The following C3orf20 variants were observed in gnomAD, a reference collection of about 807,000 sequenced individuals.
C3orf20 encodes uncharacterized protein C3orf20.
A neutral mutation model predicts 88.3 loss-of-function variants in C3orf20; 76 were observed. That is an observed-to-expected ratio of 0.86 (90% CI 0.72 to 1.04). The LOEUF (loss-of-function observed/expected upper bound fraction) is 1.04. Ranked by LOEUF, C3orf20 falls within the 50% of genes least tolerant of loss-of-function variation. C3orf20 has a pLI of 0.00. For missense variants in C3orf20, 1,056 were observed against 1,123.3 expected, an observed-to-expected ratio of 0.94 and a Z score of 0.86; for synonymous variants, 436 against 437.4, an observed-to-expected ratio of 1.00 and a Z score of 0.04.
At chr3:14,714,973 T>C (rs545749554) in intron 8 of C3orf20, among the ~76,000 whole-genome samples, 31 of 152,222 alleles carry the variant, frequency 2.0e-4, no homozygotes, top group Non-Finnish European at 4.3e-4. Flanking sequence ...TCTTATGTTA[T>C]AGGTATTCCA....
intron 9 of C3orf20, among the ~76,000 whole-genome samples, chr3:14,720,563 T>A (rs2034119359): frequency 6.6e-6 from 1 of 151,776 alleles, no homozygotes. Context: ...TTGTTGTTGT[T>A]GTTGTTGTTG....
intron 4 of C3orf20, among the ~76,000 whole-genome samples, chr3:14,689,641 A>G (rs1352703224): frequency 6.6e-6 from 1 of 152,142 alleles, no homozygotes; most frequent in Non-Finnish European, 1.5e-5. Context: ...ATGGTTCTTA[A>G]TTTCCTTCTT....
chr3:14,676,171 C>G (rs951797784), intron 1 of C3orf20, among the ~76,000 whole-genome samples: 1 of 151,028 alleles, frequency 6.6e-6, no homozygotes, highest in Non-Finnish European at 1.5e-5. Flanking sequence ...CCCCGCACCC[C>G]ACCCCACACC....
chr3:14,731,725 C>A (rs1399071942), intron 12 of C3orf20, among the ~76,000 whole-genome samples: 5 of 152,176 alleles, frequency 3.3e-5, no homozygotes, highest in African/African-American at 4.8e-5. Context: ...GCATAAATCA[C>A]ATAGTTTGCA....
At chr3:14,769,563 G>A (rs1011097475) in intron 15 of C3orf20, among the ~76,000 whole-genome samples, 2 of 152,164 alleles carry the variant, frequency 1.3e-5, no homozygotes, top group Non-Finnish European at 2.9e-5. Flanking sequence ...GGTAGGCAGG[G>A]GAGTGGGGAG....
chr3:14,704,720 C>T, intron 7 of C3orf20, 102 bp downstream of exon 7: 1 of 1,417,370 alleles, frequency 7.1e-7, no homozygotes, highest in Non-Finnish European at 9.6e-7. Context: ...TTTTAGTTAT[C>T]AGAGAAGCCT....
intron 12 of C3orf20, among the ~76,000 whole-genome samples, chr3:14,756,386 A>G (rs2035374056): frequency 6.6e-6 from 1 of 152,078 alleles, no homozygotes; most frequent in Non-Finnish European, 1.5e-5. Flanking sequence ...CTATTTTTCA[A>G]ATGCTACTGT....
intron 1 of C3orf20, among the ~76,000 whole-genome samples, chr3:14,677,131 TG>T (rs1258391548): frequency 1.3e-4 from 20 of 152,224 alleles, no homozygotes; most frequent in African/African-American, 4.6e-4. Flanking sequence ...GAAGTATTTC[TG>T]ATTAAAATCA....
rs751769074 is a variant in C3orf20 at position 14,757,484 on chromosome 3, G to A, written c.2054G>A (p.Cys685Tyr). ...GAAGACACCCGTGCTGGCTGCAAGTGCCTGGTGAAGGCGCCCCTGGTCTCT... is the reference window on the plus strand; with the variant it reads ...GAAGACACCCGTGCTGGCTGCAAGTACCTGGTGAAGGCGCCCCTGGTCTCT... ...LKEDTRAGCK[C>Y]LVKAPLVSDV... Residue 685 changes from cysteine (C) to tyrosine (Y), a missense_variant, in exon 13 of 17, where the codon TGC becomes TAC. Cys to Tyr is a radical substitution (Grantham distance 194). Coordinates refer to ENST00000253697, the MANE Select transcript of C3orf20 (RefSeq NM_032137.5). 1.9e-5 allele frequency: 31 copies of A among 1,613,560 alleles called. No homozygotes were observed. Among genetic ancestry groups the A allele is most frequent in the Non-Finnish European group, 2.3e-5 (27 of 1,180,010 alleles).
chr3:14,680,542 C>A (rs2032032424), intron 1 of C3orf20, among the ~76,000 whole-genome samples: 1 of 151,842 alleles, frequency 6.6e-6, no homozygotes, highest in Non-Finnish European at 1.5e-5. Context: ...TGTGTGGGGG[C>A]AATAGAATGT....
At chr3:14,723,853 G>T in intron 10 of C3orf20, among the ~76,000 whole-genome samples, 1 of 149,846 alleles carries the variant, frequency 6.7e-6, no homozygotes. Context: ...TTGAGACCAA[G>T]CCTTGTCTGT....
chr3:14,766,052 TG>T (rs1284251630), intron 15 of C3orf20, among the ~76,000 whole-genome samples: 1 of 151,684 alleles, frequency 6.6e-6, no homozygotes, highest in East Asian at 1.9e-4. Context: ...GCGGGCCCAG[TG>T]GGCTGCACCA....
rs1464170025 is a variant in C3orf20, at chr3:14,682,728, G to A, written c.15G>A (p.Lys5=). The A allele has an allele frequency of 6.2e-7, 1 of 1,610,746 alleles. No individual in the cohort carries two copies. Among genetic ancestry groups the A allele is most frequent in the African/African-American group, 1.3e-5 (1 of 74,822 alleles). MSYI[K]SNLELYQQYT... The stretch of plus-strand genomic sequence containing the variant: ...AGGTCCCTCTCATGAGTTACATCAA[G>A]AGTAACCTAGAATTATATCAGCAAT... Residue 5 remains lysine (K), a synonymous_variant, in exon 3 of 17, where the codon AAG becomes AAA. Coordinates refer to ENST00000253697, the MANE Select transcript of C3orf20 (RefSeq NM_032137.5).
At chr3:14,764,480 T>TTTATTATTATTA (rs374160361) in intron 15 of C3orf20, among the ~76,000 whole-genome samples, 2,282 of 148,704 alleles carry the variant, frequency 0.015, 19 homozygotes, top group Middle Eastern at 0.032. Flanking sequence ...AACACAATCG[T>TTTATTATTATTA]TTATTATTAT....
chr3:14,719,604 G>C (rs1411789112), intron 9 of C3orf20, among the ~76,000 whole-genome samples: 3 of 152,142 alleles, frequency 2.0e-5, no homozygotes, highest in African/African-American at 7.2e-5. Context: ...GAGAGACTGG[G>C]GATAATGGAT....
intron 10 of C3orf20, among the ~76,000 whole-genome samples, chr3:14,725,481 C>T (rs920478615): frequency 2.0e-5 from 3 of 152,252 alleles, no homozygotes; most frequent in Middle Eastern, 3.4e-3. Flanking sequence ...TCTTGGGAAG[C>T]GAGACAACAG....
Position 14,728,593 on chromosome 3 carries a change from A to C in C3orf20, c.1845A>C (p.Ser615=). The C allele has an allele frequency of 6.2e-7, 1 of 1,614,190 alleles. No individual in the cohort carries two copies. Among genetic ancestry groups the C allele is most frequent in the Non-Finnish European group, 8.5e-7 (1 of 1,180,010 alleles). Residue 615 remains serine, a synonymous_variant, in exon 12 of 17, where the codon TCA becomes TCC. Coordinates refer to ENST00000253697, the MANE Select transcript of C3orf20 (RefSeq NM_032137.5). ...CTCAGTCAGGCCACCTGGAATCCTCAATTGCAGAGACTTTGAAGGATGAGC... is the reference window on the plus strand; with the variant it reads ...CTCAGTCAGGCCACCTGGAATCCTCCATTGCAGAGACTTTGAAGGATGAGC... The part of the protein sequence containing the change: ...LRSQSGHLES[S]IAETLKDEPE...
chr3:14,761,274 G>A (rs2035554218), intron 14 of C3orf20, among the ~76,000 whole-genome samples, 199 bp from the exon 15 acceptor site: 2 of 149,142 alleles, frequency 1.3e-5, no homozygotes. Flanking sequence ...CTGGGCAGGG[G>A]CTGGACTCAG....
At chr3:14,721,926 C>A in intron 10 of C3orf20, 142 bp downstream of exon 10, 1 of 1,017,444 alleles carries the variant, frequency 9.8e-7, no homozygotes, top group Non-Finnish European at 1.4e-6. Context: ...CATTATTCAC[C>A]ACCTACTCTT....
Sources: gnomAD v4.1 joint callset for allele counts (sites outside exome capture counted in the v4.1 genomes callset) on GRCh38, gnomAD v4.1.1 for gene constraint, MANE v1.5 for transcripts, NCBI Gene and HGNC (gene_info 2026-07-23, HGNC 2026-07-21) for gene names.